Variants in PRKCH observed in about 807,000 individuals in gnomAD.
PRKCH encodes the protein protein kinase C eta.
PRKCH carries 28 observed loss-of-function variants against 82.5 expected under a neutral mutation model. That is an observed-to-expected ratio of 0.34 (90% confidence interval 0.25 to 0.47). PRKCH has a LOEUF of 0.47. Among genes scored for constraint, PRKCH ranks in the 20% least tolerant of loss-of-function variants. The pLI is 1.00. For missense variants in PRKCH, 705 were observed against 881.8 expected, an observed-to-expected ratio of 0.80 and a Z score of 2.54; for synonymous variants, 322 against 327.4, an observed-to-expected ratio of 0.98 and a Z score of 0.18.
At chr14:61,445,272 G>C (rs1884166557) in intron 3 of PRKCH, among the ~76,000 whole-genome samples, 1 of 152,270 alleles carries the variant, frequency 6.6e-6, no homozygotes, top group African/African-American at 2.4e-5. Context: ...CCCTGGGACA[G>C]GCAGCTGCGG....
chr14:61,222,732 T>C (rs575712928), intron 1 of PRKCH, among the ~76,000 whole-genome samples: 1 of 152,334 alleles, frequency 6.6e-6, no homozygotes, highest in East Asian at 1.9e-4. Flanking sequence ...AGTTCGACAA[T>C]GGATAAGCAG....
intron 2 of PRKCH, among the ~76,000 whole-genome samples, chr14:61,402,726 G>T (rs1236365873): frequency 6.6e-6 from 1 of 151,938 alleles, no homozygotes; most frequent in Non-Finnish European, 1.5e-5. Flanking sequence ...TTGAACCAGG[G>T]AGTCAGAGGT....
chr14:61,244,880 C>G (rs2044867305), intron 1 of PRKCH, among the ~76,000 whole-genome samples: 2 of 152,192 alleles, frequency 1.3e-5, no homozygotes, highest in African/African-American at 4.8e-5. Flanking sequence ...CAGGGTGGGT[C>G]TTTGAGGCTT....
chr14:61,207,797 C>T (rs1426898151), intron 1 of PRKCH, among the ~76,000 whole-genome samples: 3 of 152,200 alleles, frequency 2.0e-5, no homozygotes, highest in Non-Finnish European at 4.4e-5. Flanking sequence ...CTCCAGGTCA[C>T]ATAGCTGGTT....
intron 1 of PRKCH, among the ~76,000 whole-genome samples, chr14:61,363,964 A>G (rs1295422665): frequency 7.3e-6 from 1 of 136,226 alleles, no homozygotes; most frequent in African/African-American, 2.8e-5. Context: ...TTATATATAT[A>G]CGTGTGCATG....
chr14:61,213,754 C>T (rs567710357), intron 1 of PRKCH, among the ~76,000 whole-genome samples: 1 of 152,230 alleles, frequency 6.6e-6, no homozygotes, highest in African/African-American at 2.4e-5. Context: ...TTTCTCCCTG[C>T]ACCTGGGTCT....
Position 61,226,731 on chromosome 14 carries a change from G to A in PRKCH, c.-19+39063G>A, listed in dbSNP as rs139290121. On this transcript the variant is annotated intron_variant, in intron 1 of 3. Transcript: ENST00000555185. ...CTTAATCATGAAGGCAAACATTTGA[G>A]CATTCAGTCGTTCCTAACAAAGGCC... 4.0e-4 allele frequency among the ~76,000 whole-genome samples: 61 copies of A among 152,294 alleles called. 2 individuals are homozygous for A. Among genetic ancestry groups the A allele is most frequent in the African/African-American group, 1.4e-3 (59 of 41,562 alleles).
intron 1 of PRKCH, among the ~76,000 whole-genome samples, chr14:61,224,197 C>T (rs1212472817): frequency 6.6e-6 from 1 of 152,046 alleles, no homozygotes; most frequent in Non-Finnish European, 1.5e-5. Context: ...TACTTTTCCA[C>T]CTGTTTTTTA....
chr14:61,280,263 C>G lies in PRKCH; in HGVS notation c.-19+92595C>G, dbSNP rs1355973706. The G allele has an allele frequency of 1.7e-5, 28 of 1,613,940 alleles. No individual in the cohort carries two copies. The highest frequency in any genetic ancestry group is 4.0e-5 in the African/African-American group (3 of 74,930). On this transcript the variant is annotated intron_variant, in intron 1 of 3. Coordinates refer to the PRKCH transcript ENST00000555185. This position sits in a 1 kb window ranked among gnomAD's most constrained non-coding sequence, Gnocchi z 5.0. Reference sequence around the variant, plus strand: ...AGATGAGGAGCTTGTGGCCGCCGAACGCGCGCACCGGGTAGTTGTAGGTGA... The same window carrying G: ...AGATGAGGAGCTTGTGGCCGCCGAAGGCGCGCACCGGGTAGTTGTAGGTGA...
At chr14:61,429,825 T>C (rs1343172153) in intron 2 of PRKCH, among the ~76,000 whole-genome samples, 2 of 152,206 alleles carry the variant, frequency 1.3e-5, no homozygotes, top group Admixed American at 6.5e-5. Context: ...CTAGAGACGG[T>C]ATAAAAACTT....
intron 2 of PRKCH, among the ~76,000 whole-genome samples, chr14:61,402,002 T>G (rs1158288770): frequency 6.6e-6 from 1 of 152,264 alleles, no homozygotes; most frequent in Non-Finnish European, 1.5e-5. Context: ...GTGCCAGTGA[T>G]AAAATTAGAG....
chr14:61,222,860 G>A (rs34378050), intron 1 of PRKCH, among the ~76,000 whole-genome samples: 2,920 of 152,234 alleles, frequency 0.019, 102 homozygotes, highest in African/African-American at 0.067. Context: ...TCAAAGATTC[G>A]TCTAATTGAG....
chr14:61,206,365 C>T (rs2044523997), intron 1 of PRKCH, among the ~76,000 whole-genome samples: 1 of 152,206 alleles, frequency 6.6e-6, no homozygotes, highest in East Asian at 1.9e-4. Context: ...CTAATCCCTG[C>T]CTCCATCTTG....
chr14:61,361,737 A>G (rs949364684), intron 1 of PRKCH, among the ~76,000 whole-genome samples: 2 of 152,228 alleles, frequency 1.3e-5, no homozygotes, highest in African/African-American at 2.4e-5. Flanking sequence ...CCTTACAGGC[A>G]AGGGGACAAT....
At chr14:61,206,704 C>G (rs1221454428) in intron 1 of PRKCH, among the ~76,000 whole-genome samples, 2 of 152,086 alleles carry the variant, frequency 1.3e-5, no homozygotes, top group Admixed American at 6.5e-5. Context: ...ATTCAGCATC[C>G]TGGGGTCCAG....
chr14:61,246,485 C>G (rs2044884443), intron 1 of PRKCH, among the ~76,000 whole-genome samples: 1 of 151,988 alleles, frequency 6.6e-6, no homozygotes, highest in African/African-American at 2.4e-5. Context: ...CAGTCTTGAA[C>G]TTTTGACAGA....
chr14:61,239,508 C>G (rs2044817675), intron 1 of PRKCH, among the ~76,000 whole-genome samples: 1 of 152,146 alleles, frequency 6.6e-6, no homozygotes. Flanking sequence ...CCTCTCTCTC[C>G]CTCTTCAGGG....
chr14:61,276,645 C>T (rs990683268), intron 1 of PRKCH, among the ~76,000 whole-genome samples: 4 of 151,784 alleles, frequency 2.6e-5, no homozygotes, highest in South Asian at 2.1e-4. Flanking sequence ...CATGAGCCAC[C>T]GCACCTGGCC....
At chr14:61,384,863 T>A (rs988974593) in intron 1 of PRKCH, among the ~76,000 whole-genome samples, 1 of 152,222 alleles carries the variant, frequency 6.6e-6, no homozygotes, top group East Asian at 1.9e-4. Context: ...AAGTTGTGTT[T>A]ATGTTTTCTT....
Sources: gnomAD v4.1 joint callset for allele counts (sites outside exome capture counted in the v4.1 genomes callset) on GRCh38, gnomAD v4.1.1 for gene constraint, Gnocchi (gnomAD v3.1) non-coding constraint, MANE v1.5 for transcripts, NCBI Gene and HGNC (gene_info 2026-07-23, HGNC 2026-07-21) for gene names.